The following SMG6 variants were observed in gnomAD, a reference collection of about 807,000 sequenced individuals.
SMG6 encodes telomerase-binding protein EST1A.
SMG6 carries 66 observed loss-of-function variants against 142.2 expected under a neutral mutation model. The ratio of observed to expected loss-of-function variants is 0.46; its 90% CI spans 0.38 to 0.57. The LOEUF (loss-of-function observed/expected upper bound fraction) is 0.57, where lower values mean the gene tolerates loss of function less well. Among genes scored for constraint, SMG6 ranks in the 20% least tolerant of loss-of-function variants. SMG6 has a pLI of 0.00. For missense variants in SMG6, 1,793 were observed against 1,832.0 expected, an observed-to-expected ratio of 0.98 and a Z score of 0.39; for synonymous variants, 779 against 702.4, an observed-to-expected ratio of 1.11 and a Z score of -1.72.
Position 2,251,009 on chromosome 17 carries a change from A to C in SMG6, c.2662-6290T>G, listed in dbSNP as rs149614844. Among the ~76,000 whole-genome samples, 144 of 152,226 alleles carry C rather than the reference A, an allele frequency of 9.5e-4. 2 individuals carry two copies. The East Asian group carries it at 0.018, about 19-fold the overall frequency. ...TAGTCCAAGAACAAAGATAAATAACATACCAACTTGCCCACTGGCCATTTA... is the reference window on the plus strand; with the variant it reads ...TAGTCCAAGAACAAAGATAAATAACCTACCAACTTGCCCACTGGCCATTTA... On this transcript the variant is annotated intron_variant, in intron 8 of 18. Transcript: ENST00000263073.
At chr17:2,285,022 T>C (rs1433698752) in intron 6 of SMG6, among the ~76,000 whole-genome samples, 1 of 152,256 alleles carries the variant, frequency 6.6e-6, no homozygotes, top group African/African-American at 2.4e-5. Context: ...TATCTATTGT[T>C]ATGTCTTATT....
intron 10 of SMG6, among the ~76,000 whole-genome samples, chr17:2,204,054 C>A (rs565578796): frequency 1.3e-5 from 2 of 152,248 alleles, no homozygotes; most frequent in East Asian, 3.9e-4. Flanking sequence ...GCCTTGACCT[C>A]TCAGGCTCAA....
chr17:2,196,490 A>T (rs1400156285), intron 10 of SMG6, among the ~76,000 whole-genome samples: 1 of 152,236 alleles, frequency 6.6e-6, no homozygotes, highest in Non-Finnish European at 1.5e-5. Context: ...TCATGAACTG[A>T]GCAACTCAGC....
chr17:2,207,738 A>G (rs2072731516), intron 10 of SMG6, among the ~76,000 whole-genome samples: 1 of 152,238 alleles, frequency 6.6e-6, no homozygotes, highest in South Asian at 2.1e-4. Context: ...AGTATGCTAT[A>G]AAGCAAGGGG....
rs1039884322 is a variant in SMG6, at chr17:2,065,576, G to A, written c.3939C>T (p.Phe1313=). The A allele has an allele frequency of 7.4e-6, 12 of 1,614,132 alleles. No homozygotes were observed. Among genetic ancestry groups the A allele is most frequent in the Non-Finnish European group, 1.0e-5 (12 of 1,180,032 alleles). The part of the protein sequence containing the change: ...VQEKARKSIE[F]LEQRFESRDS... ...CCCGACTCTCGAATCGCTGCTCGAG[G>A]AACTCGATGGACTTGCGGGCCTTCT... Residue 1313 remains phenylalanine, a synonymous_variant, in exon 17 of 19, where the codon TTC becomes TTT. Coordinates refer to ENST00000263073, the MANE Select transcript of SMG6 (RefSeq NM_017575.5).
intron 13 of SMG6, chr17:2,101,230 G>T (rs2151473512): frequency 6.6e-6 from 1 of 152,274 alleles, no homozygotes; most frequent in South Asian, 2.1e-4. Flanking sequence ...CCAAGTGGCT[G>T]GGACGACAGT....
At chr17:2,259,999 C>T (rs538141526) in intron 8 of SMG6, among the ~76,000 whole-genome samples, 6 of 152,246 alleles carry the variant, frequency 3.9e-5, no homozygotes, top group Admixed American at 3.9e-4. Flanking sequence ...AAGCAAGGCA[C>T]CAAATAAGGG....
intron 11 of SMG6, among the ~76,000 whole-genome samples, chr17:2,187,609 C>T (rs116575462): frequency 1.1e-4 from 17 of 152,154 alleles, no homozygotes; most frequent in African/African-American, 3.6e-4. Context: ...TATGGAAAGA[C>T]GAACGTAAGC....
At chr17:2,198,266 T>C (rs2151714872) in intron 10 of SMG6, among the ~76,000 whole-genome samples, 1 of 152,344 alleles carries the variant, frequency 6.6e-6, no homozygotes, top group South Asian at 2.1e-4. Flanking sequence ...ATCCCATCTA[T>C]ATAATATTCT....
intron 13 of SMG6, among the ~76,000 whole-genome samples, chr17:2,092,002 T>A (rs2068739381): frequency 6.6e-6 from 1 of 151,528 alleles, no homozygotes; most frequent in East Asian, 1.9e-4. Context: ...TTTTTTTTTT[T>A]GAGACAGAGT....
intron 13 of SMG6, among the ~76,000 whole-genome samples, chr17:2,171,399 G>A (rs1267538188): frequency 2.7e-5 from 4 of 149,626 alleles, no homozygotes; most frequent in South Asian, 2.1e-4. Flanking sequence ...AATTAAATAC[G>A]ATTATATATG....
intron 13 of SMG6, chr17:2,127,867 T>C: frequency 1.6e-5 from 9 of 560,678 alleles, no homozygotes; most frequent in Non-Finnish European, 3.2e-5. Context: ...GATCTCCTGC[T>C]TCATCTTGGT....
chr17:2,125,363 G>A (rs768550306), intron 13 of SMG6, among the ~76,000 whole-genome samples: 1 of 152,144 alleles, frequency 6.6e-6, no homozygotes, highest in Admixed American at 6.6e-5. Flanking sequence ...CTCTGAAGAC[G>A]TCACTACGAT....
chr17:2,176,557 A>G (rs1396266331), intron 12 of SMG6, among the ~76,000 whole-genome samples: 1 of 152,204 alleles, frequency 6.6e-6, no homozygotes, highest in Non-Finnish European at 1.5e-5. Context: ...CGCTAAAGTT[A>G]GGGTGGACTG....
In SMG6 at chr17:2,300,166, T is replaced by C; in HGVS notation, c.587A>G (p.Asp196Gly). 1 of 1,614,032 alleles carries C rather than the reference T, an allele frequency of 6.2e-7. No homozygotes were observed. The highest frequency in any genetic ancestry group is 2.2e-5 in the East Asian group (1 of 44,882). Residue 196 changes from aspartate to glycine, a missense_variant, in exon 2 of 19, where the codon GAC becomes GGC. Asp to Gly is a moderately conservative substitution (Grantham distance 94). This residue lies in a region of SMG6 where 1,597 missense variants were observed against 1,584.6 expected (regional missense o/e 1.01). Transcript: ENST00000263073. ...VAKEEVANKP[D>G]RAEIEKSPGG... ...TGGGCTCTTTTCTATCTCAGCCCTGTCTGGTTTATTCGCAACTTCCTCCTT... is the reference window on the plus strand; with the variant it reads ...TGGGCTCTTTTCTATCTCAGCCCTGCCTGGTTTATTCGCAACTTCCTCCTT...
intron 1 of SMG6, chr17:2,303,353 G>A (rs551272847): frequency 4.7e-5 from 56 of 1,199,932 alleles, no homozygotes; most frequent in African/African-American, 2.4e-4. Flanking sequence ...GGTCTGAGAG[G>A]GCTGGGGCAA....
chr17:2,284,927 T>C (rs2074871090), intron 6 of SMG6, among the ~76,000 whole-genome samples: 1 of 152,228 alleles, frequency 6.6e-6, no homozygotes, highest in Non-Finnish European at 1.5e-5. Flanking sequence ...ACTACTCACC[T>C]GATTTGAGAC....
intron 13 of SMG6, among the ~76,000 whole-genome samples, chr17:2,154,819 G>C (rs1202130791): frequency 6.6e-6 from 1 of 152,176 alleles, no homozygotes; most frequent in Non-Finnish European, 1.5e-5. Context: ...TGAACTGCTT[G>C]AGCTCAGGAC....
At chr17:2,248,945 G>GCT in intron 8 of SMG6, among the ~76,000 whole-genome samples, 1 of 151,470 alleles carries the variant, frequency 6.6e-6, no homozygotes, top group Non-Finnish European at 1.5e-5. Flanking sequence ...GGAGTGCAGT[G>GCT]GCGCTATCTC....
Sources: gnomAD v4.1 joint callset for allele counts (sites outside exome capture counted in the v4.1 genomes callset) on GRCh38, gnomAD v4.1.1 for gene constraint, gnomAD v4.1.1 regional missense constraint, MANE v1.5 for transcripts, NCBI Gene and HGNC (gene_info 2026-07-23, HGNC 2026-07-21) for gene names.